Variants in MGAM2 observed in about 807,000 individuals in gnomAD.
MGAM2 encodes the protein maltase-glucoamylase 2 (putative).
In MGAM2, 98 loss-of-function variants were observed where a neutral mutation model predicts 96.1. That is an observed-to-expected ratio of 1.02 (90% CI 0.87 to 1.21). The LOEUF (loss-of-function observed/expected upper bound fraction) is 1.21, where lower values mean the gene tolerates loss of function less well. MGAM2 is among the 50% of genes most tolerant of loss of function. The probability of loss-of-function intolerance (pLI) is 0.00; values close to 1 mark genes in which losing one functional copy is unlikely to be tolerated. For missense variants in MGAM2, 2,055 were observed against 1,182.4 expected (o/e 1.74, Z -10.82); for synonymous variants, 749 against 414.8 (o/e 1.81, Z -9.79).
At chr7:142,182,063 G>A (rs1796561611) in intron 32 of MGAM2, among the ~76,000 whole-genome samples, 1 of 152,058 alleles carries the variant, frequency 6.6e-6, no homozygotes, top group African/African-American at 2.4e-5. Flanking sequence ...GCAGAGGGAG[G>A]CATGCCCAAC....
Position 142,220,307 on chromosome 7 carries a change from C to G in MGAM2, c.5796C>G (p.Ser1932Arg), listed in dbSNP as rs1797883229. 1 of 702,594 alleles carries G rather than the reference C, an allele frequency of 1.4e-6. No homozygotes were observed. The highest frequency in any genetic ancestry group is 1.7e-5 in the African/African-American group (1 of 57,196). 43.5% of individuals were successfully genotyped at this position (702,594 alleles called of 1,614,324 possible). A position where few individuals can be genotyped will look rare whatever the true frequency, so the allele number is the denominator to read the frequency against. Residue 1932 changes from serine (S) to arginine (R), a missense_variant, in exon 48 of 48, where the codon AGC becomes AGG. Transcript: ENST00000477922. ...TCCCAACAAATGCTAGTACTGCTAGCACTAATGCTACTGTTCCTATCACAA... is the reference window on the plus strand; with the variant it reads ...TCCCAACAAATGCTAGTACTGCTAGGACTAATGCTACTGTTCCTATCACAA... ...APFPTNASTA[S>R]TNATVPITTT... is the part of the protein sequence containing the mutation.
intron 46 of MGAM2, among the ~76,000 whole-genome samples, chr7:142,209,415 T>C (rs1473360417): frequency 6.6e-6 from 1 of 152,120 alleles, no homozygotes; most frequent in Non-Finnish European, 1.5e-5. Context: ...TTTGTAAGGG[T>C]TGAATATTTC....
At position 142,141,105 on chromosome 7, in the gene MGAM2, T is replaced by C. The variant is rs1206789145; in HGVS notation, c.1303T>C (p.Phe435Leu). The change falls in exon 12 of 48, where the codon TTT becomes CTT. Residue 435 changes from phenylalanine to leucine, a missense_variant. Coordinates refer to ENST00000477922, the MANE Select transcript of MGAM2 (RefSeq NM_001293626.2). Reference protein sequence around the residue: ...KRVWILGSNGFAVGEGYPGPT... With the variant: ...KRVWILGSNGLAVGEGYPGPT... ...AGTGTGGATCTTGGGGAGCAATGGC[T>C]TTGCTGTTGGGGAGGTAATTTCTTA... The C allele has an allele frequency of 1.4e-6, 1 of 698,188 alleles. No individual in the cohort carries two copies. Among genetic ancestry groups the C allele is most frequent in the African/African-American group, 1.8e-5 (1 of 56,360 alleles). The allele number at this position is 698,188 out of a possible 1,614,324, so 43.2% of individuals were successfully genotyped here. A position where few individuals can be genotyped will look rare whatever the true frequency, so the allele number is the denominator to read the frequency against.
Position 142,221,564 on chromosome 7 carries a change from C to A in MGAM2, c.7053C>A (p.Thr2351=), listed in dbSNP as rs1436272205. The A allele has an allele frequency of 9.3e-6, 5 of 536,988 alleles. No homozygotes were observed. The South Asian group carries it at 1.6e-4, about 17-fold the overall frequency. 33.3% of individuals were successfully genotyped at this position (536,988 alleles called of 1,614,324 possible). A position where few individuals can be genotyped will look rare whatever the true frequency, so the allele number is the denominator to read the frequency against. ...TCAACACTCTTGATACAAAAAGTACCATGGTAATAGATGCTACGGTCACTA... is the reference window on the plus strand; with the variant it reads ...TCAACACTCTTGATACAAAAAGTACAATGGTAATAGATGCTACGGTCACTA... ...IIFNTLDTKS[T]MVIDATVTTT... is the part of the protein sequence containing the mutation. Residue 2351 remains threonine, a synonymous_variant, in exon 48 of 48, where the codon ACC becomes ACA. Coordinates refer to ENST00000477922, the MANE Select transcript of MGAM2 (RefSeq NM_001293626.2).
intron 23 of MGAM2, among the ~76,000 whole-genome samples, chr7:142,163,433 C>A (rs898103097): frequency 2.6e-5 from 4 of 152,144 alleles, no homozygotes; most frequent in African/African-American, 9.7e-5. Context: ...AGGCATGCAC[C>A]ACCATGCCCG....
At chr7:142,176,675 A>G (rs888127650) in intron 32 of MGAM2, among the ~76,000 whole-genome samples, 100 of 144,824 alleles carry the variant, frequency 6.9e-4, no homozygotes, top group African/African-American at 2.4e-3. Context: ...GATATTTTAA[A>G]TAGACAGATT....
intron 12 of MGAM2, among the ~76,000 whole-genome samples, chr7:142,142,744 T>C (rs1795271050): frequency 6.6e-6 from 1 of 152,040 alleles, no homozygotes; most frequent in Non-Finnish European, 1.5e-5. Flanking sequence ...GAGACGGAAT[T>C]TCACTCTCTC....
intron 15 of MGAM2, among the ~76,000 whole-genome samples, chr7:142,149,792 T>G (rs560536346): frequency 3.3e-5 from 5 of 151,968 alleles, no homozygotes; most frequent in Non-Finnish European, 5.9e-5. Flanking sequence ...TCACCCGCCT[T>G]GGCCTCCCAA....
intron 31 of MGAM2, among the ~76,000 whole-genome samples, chr7:142,175,418 T>C (rs111899717): frequency 4.7e-5 from 7 of 149,894 alleles, no homozygotes; most frequent in Admixed American, 1.3e-4. Flanking sequence ...AGAGTTCCAA[T>C]TGGGGAAACA....
intron 32 of MGAM2, among the ~76,000 whole-genome samples, chr7:142,180,316 T>C (rs1796499804): frequency 6.6e-6 from 1 of 152,194 alleles, no homozygotes; most frequent in Admixed American, 6.5e-5. Context: ...CTTTTGTTGA[T>C]CTGTTGTATG....
At chr7:142,209,665 T>C (rs576080735) in intron 46 of MGAM2, among the ~76,000 whole-genome samples, 1 of 152,328 alleles carries the variant, frequency 6.6e-6, no homozygotes, top group East Asian at 1.9e-4. Context: ...GAATTATACA[T>C]CACCAGGCTA....
At chr7:142,186,543 T>C (rs1293616866) in intron 35 of MGAM2, among the ~76,000 whole-genome samples, 1 of 152,204 alleles carries the variant, frequency 6.6e-6, no homozygotes, top group Non-Finnish European at 1.5e-5. Context: ...GGCAGACAAC[T>C]CTGAGGGAAT....
At position 142,172,817 on chromosome 7, in the gene MGAM2, C is replaced by T; in HGVS notation, c.3561+53C>T. 3 of 659,044 alleles carry T rather than the reference C, an allele frequency of 4.6e-6. No individual in the cohort carries two copies. The South Asian group carries it at 5.1e-5, about 11-fold the overall frequency. The allele number at this position is 659,044 out of a possible 1,614,324, so 40.8% of individuals were successfully genotyped here. A position where few individuals can be genotyped will look rare whatever the true frequency, so the allele number is the denominator to read the frequency against. ...ATTGTCAAATATTTATTGGCTATTA[C>T]CACATTATTAGCACTGAGATAGGGC... On this transcript the variant is annotated intron_variant, in intron 30 of 47. Transcript: ENST00000477922.
chr7:142,207,638 C>A (rs1199186433), intron 45 of MGAM2, among the ~76,000 whole-genome samples: 1 of 151,940 alleles, frequency 6.6e-6, no homozygotes, highest in African/African-American at 2.4e-5. Flanking sequence ...ACCATGTTAG[C>A]CAGGACGGTC....
At chr7:142,166,056 T>C (rs1563270606) in intron 24 of MGAM2, 42 bp from the exon 25 acceptor site, 1 of 635,720 alleles carries the variant, frequency 1.6e-6, no homozygotes. Flanking sequence ...CTGGGTGGCT[T>C]TCCCTCCCTT....
At chr7:142,158,154 G>A (rs1253449132) in intron 18 of MGAM2, 63 bp downstream of exon 18, 1 of 699,770 alleles carries the variant, frequency 1.4e-6, no homozygotes, top group Non-Finnish European at 2.6e-6. Flanking sequence ...TTTGTTTGTG[G>A]TAGCAAGGTT....
Position 142,173,292 on chromosome 7 carries a change from T to C in MGAM2, c.3625T>C (p.Tyr1209His), listed in dbSNP as rs1317725992. ...GGGATTCCATCTGAGTCGCTATGGA[T>C]ACCAGAATGATGCTGAAATCTCCAG... The part of the protein sequence containing the change: ...ALGFHLSRYG[Y>H]QNDAEISSLY... The change falls in exon 31 of 48, where the codon TAC (tyrosine) becomes CAC (histidine). Residue 1209 changes from tyrosine (Y) to histidine (H), a missense_variant. Coordinates refer to ENST00000477922, the MANE Select transcript of MGAM2 (RefSeq NM_001293626.2). The C allele has an allele frequency of 8.5e-6, 6 of 703,028 alleles. No individual in the cohort carries two copies. The highest frequency in any genetic ancestry group is 5.2e-5 in the African/African-American group (3 of 57,252). 43.5% of individuals were successfully genotyped at this position (703,028 alleles called of 1,614,324 possible).
chr7:142,131,441 C>A, intron 4 of MGAM2, 77 bp from the exon 5 acceptor site: 1 of 668,056 alleles, frequency 1.5e-6, no homozygotes, highest in Non-Finnish European at 2.7e-6. Flanking sequence ...CATCTCAAAA[C>A]AAAAACAAAA....
At chr7:142,173,984 G>C (rs961938380) in intron 31 of MGAM2, among the ~76,000 whole-genome samples, 3 of 152,120 alleles carry the variant, frequency 2.0e-5, no homozygotes, top group Non-Finnish European at 4.4e-5. Context: ...AGATCAGATA[G>C]TTGTAGGTGT....
Sources: gnomAD v4.1 joint callset for allele counts (sites outside exome capture counted in the v4.1 genomes callset) on GRCh38, gnomAD v4.1.1 for gene constraint, MANE v1.5 for transcripts, NCBI Gene and HGNC (gene_info 2026-07-23, HGNC 2026-07-21) for gene names.